KASH5: variants seen among roughly 807,000 people sequenced by gnomAD.
KASH5 encodes the protein KASH domain containing 5.
Under a neutral mutation model 84.2 loss-of-function variants are expected in KASH5, and 72 were observed. The ratio of observed to expected loss-of-function variants is 0.85; its 90% CI spans 0.71 to 1.04. The LOEUF is 1.04. Ranked by LOEUF, KASH5 falls within the 50% of genes least tolerant of loss-of-function variation. KASH5 has a pLI of 0.00. For missense variants in KASH5, 650 were observed against 701.0 expected, an observed-to-expected ratio of 0.93 and a Z score of 0.82; for synonymous variants, 260 against 279.1, an observed-to-expected ratio of 0.93 and a Z score of 0.68.
chr19:49,407,356 C>T, intron 11 of KASH5, 60 bp downstream of exon 11: 3 of 1,565,948 alleles, frequency 1.9e-6, no homozygotes, highest in Non-Finnish European at 2.6e-6. Flanking sequence ...ACTTCCTGCC[C>T]CTGGTCTAGA....
At chr19:49,415,240 C>T in intron 17 of KASH5, 3 of 577,350 alleles carry the variant, frequency 5.2e-6, no homozygotes, top group Non-Finnish European at 9.3e-6. Flanking sequence ...CAGCCACACA[C>T]ACAGGGCTGC....
chr19:49,406,685 T>C (rs1479041085), intron 9 of KASH5, among the ~76,000 whole-genome samples: 3 of 152,160 alleles, frequency 2.0e-5, no homozygotes, highest in Admixed American at 6.5e-5. Flanking sequence ...TAGCTCCATT[T>C]TTATAGATGG....
intron 1 of KASH5, chr19:49,390,413 GAA>G: frequency 6.1e-6 from 1 of 162,764 alleles, no homozygotes; most frequent in South Asian, 1.7e-4. Context: ...GGGAGCCATG[GAA>G]GGGTACTTAG....
In KASH5 at chr19:49,394,393, G is replaced by T. The variant is rs1243678042; in HGVS notation, c.44-83G>T. ...GAGTGAATTCCCTCCCCGCTACAGA[G>T]CCCAGGAGGCTGAGGACCTGGGGTC... On this transcript the variant is annotated intron_variant, in intron 2 of 19. Transcript: ENST00000447857. The T allele has an allele frequency of 2.9e-6, 3 of 1,045,302 alleles. No individual in the cohort carries two copies. The African/African-American group carries it at 4.7e-5, about 16-fold the overall frequency. 64.8% of individuals were successfully genotyped at this position (1,045,302 alleles called of 1,614,324 possible). A position where few individuals can be genotyped will look rare whatever the true frequency, so the allele number is the denominator to read the frequency against.
intron 3 of KASH5, 141 bp from the exon 4 acceptor site, chr19:49,394,965 C>T (rs1974125495): frequency 1.5e-6 from 1 of 646,054 alleles, no homozygotes; most frequent in Non-Finnish European, 2.6e-6. Flanking sequence ...GGGGAAAGGG[C>T]TTGCCCAGTG....
At chr19:49,403,097 C>T (rs1468801176) in intron 9 of KASH5, among the ~76,000 whole-genome samples, 1 of 152,172 alleles carries the variant, frequency 6.6e-6, no homozygotes, top group Non-Finnish European at 1.5e-5. Context: ...GTGGCTCACA[C>T]CTGTAATCCC....
chr19:49,407,145 G>T (rs757894941), intron 10 of KASH5, 95 bp from the exon 11 acceptor site: 1 of 1,449,922 alleles, frequency 6.9e-7, no homozygotes, highest in Non-Finnish European at 9.6e-7. Context: ...GGCTGAATAC[G>T]TGGGGGTGCG....
In KASH5 at chr19:49,412,269, G is replaced by A. The variant is rs932670981; in HGVS notation, c.1270-699G>A. 2.6e-5 allele frequency among the ~76,000 whole-genome samples: 4 copies of A among 152,168 alleles called. No homozygotes were observed. Among genetic ancestry groups the A allele is most frequent in the Non-Finnish European group, 5.9e-5 (4 of 68,026 alleles). On this transcript the variant is annotated intron_variant, in intron 15 of 19. Coordinates refer to ENST00000447857, the MANE Select transcript of KASH5 (RefSeq NM_144688.5). This position sits in a 1 kb window ranked among gnomAD's most constrained non-coding sequence, Gnocchi z 4.6. ...GTGATGAAGCCTGAGCCAGGCCAGG[G>A]CCCTAGGGATGGAGGAAAAGGGACA...
intron 2 of KASH5, chr19:49,393,199 T>C (rs1568608774): frequency 6.6e-6 from 1 of 152,248 alleles, no homozygotes; most frequent in Non-Finnish European, 1.5e-5. Context: ...ATTATTATTA[T>C]GCTAGTAGAC....
chr19:49,409,939 C>T, intron 15 of KASH5, 64 bp downstream of exon 15: 2 of 1,572,576 alleles, frequency 1.3e-6, no homozygotes, highest in Non-Finnish European at 8.6e-7. Context: ...CAGGTGCCGC[C>T]CTGGCCAGCC....
In KASH5 at chr19:49,397,651, G is replaced by T. The variant is rs1323291758; in HGVS notation, c.401G>T (p.Gly134Val). Residue 134 changes from glycine (G) to valine (V), a missense_variant and splice_region_variant, in exon 6 of 20, where the codon GGA becomes GTA. Transcript: ENST00000447857. ...GALTSRQLPS[G>V]CPEAEEPANL... ...CATTCTCTTGGCTCTCTCCCTCCAG[G>T]ATGCCCAGAAGCTGAGGAGCCAGCC... is the stretch of plus-strand genomic sequence containing the variant. The T allele has an allele frequency of 6.2e-7, 1 of 1,613,910 alleles. No homozygotes were observed.
chr19:49,391,087 A>T (rs1341839744), intron 2 of KASH5, among the ~76,000 whole-genome samples, 161 bp downstream of exon 2: 1 of 152,038 alleles, frequency 6.6e-6, no homozygotes, highest in African/African-American at 2.4e-5. Flanking sequence ...CTGGTAGATT[A>T]AGTGCCTACT....
Position 49,397,664 on chromosome 19 carries a change from T to G in KASH5, c.414T>G (p.Ala138=). 1 of 1,613,870 alleles carries G rather than the reference T, an allele frequency of 6.2e-7. No homozygotes were observed. Among genetic ancestry groups the G allele is most frequent in the Non-Finnish European group, 8.5e-7 (1 of 1,179,876 alleles). The change falls in exon 6 of 20, where the codon GCT becomes GCG. Residue 138 remains alanine, a synonymous_variant. Coordinates refer to ENST00000447857, the MANE Select transcript of KASH5 (RefSeq NM_144688.5). The part of the protein sequence containing the change: ...SRQLPSGCPE[A]EEPANLESFG... ...CTCTCCCTCCAGGATGCCCAGAAGC[T>G]GAGGAGCCAGCCAACCTGGAGAGCT...
chr19:49,410,687 C>A (rs988985523), intron 15 of KASH5, among the ~76,000 whole-genome samples: 9 of 152,102 alleles, frequency 5.9e-5, no homozygotes, highest in African/African-American at 1.9e-4. Flanking sequence ...GGGGTTTCGC[C>A]ATGTTGGCCA....
At position 49,398,049 on chromosome 19, in the gene KASH5, G is replaced by A. The variant is rs1391041386; in HGVS notation, c.535G>A (p.Glu179Lys). The A allele has an allele frequency of 2.5e-6, 4 of 1,613,746 alleles. No individual in the cohort carries two copies. The highest frequency in any genetic ancestry group is 3.4e-6 in the Non-Finnish European group (4 of 1,179,816). ...LELSNRRLVG[E>K]NAKLQRSMET... ...GCTCAGCAACCGACGTCTGGTTGGG[G>A]AGAATGCCAAATTGCAGCGGAGCAT... Residue 179 changes from glutamate (E) to lysine (K), a missense_variant, in exon 7 of 20, where the codon GAG becomes AAG. Glu to Lys is a moderately conservative substitution (Grantham distance 56). Coordinates refer to ENST00000447857, the MANE Select transcript of KASH5 (RefSeq NM_144688.5).
chr19:49,415,269 C>T, intron 17 of KASH5: 1 of 542,018 alleles, frequency 1.8e-6, no homozygotes, highest in African/African-American at 1.9e-5. Context: ...CACCGCAGGC[C>T]TCATAGACGT....
chr19:49,411,504 G>A (rs965409323), intron 15 of KASH5, among the ~76,000 whole-genome samples: 1 of 152,176 alleles, frequency 6.6e-6, no homozygotes, highest in Non-Finnish European at 1.5e-5. Context: ...GAGGCTCAGG[G>A]AGAAATCACA....
At chr19:49,415,176 TG>T (rs1320281719) in intron 17 of KASH5, 180 bp downstream of exon 17, 12 of 679,850 alleles carry the variant, frequency 1.8e-5, no homozygotes, top group Admixed American at 1.5e-4. Context: ...GATGGTGAGG[TG>T]GGGGGAGGCC....
In KASH5 at chr19:49,417,397, C is replaced by T. The variant is rs913429211; in HGVS notation, c.1576C>T (p.Pro526Ser). 4.5e-6 allele frequency: 7 copies of T among 1,554,806 alleles called. No individual in the cohort carries two copies. Among genetic ancestry groups the T allele is most frequent in the Non-Finnish European group, 6.1e-6 (7 of 1,148,814 alleles). Residue 526 changes from proline (P) to serine (S), a missense_variant, in exon 20 of 20, where the codon CCT (proline) becomes TCT (serine). Transcript: ENST00000447857. The surrounding 1 kb of genome is among the most constrained non-coding windows in gnomAD (Gnocchi z 5.2). ...CACTCGACATCCACTGATCCCAGCT[C>T]CTGTCCTGGGCCTGCTGCTGCTGCT... ...RVTRHPLIPA[P>S]VLGLLLLLLL...
Sources: allele counts gnomAD v4.1 joint callset (sites outside exome capture counted in the v4.1 genomes callset), GRCh38; gene constraint gnomAD v4.1.1; non-coding constraint Gnocchi (gnomAD v3.1); transcripts MANE v1.5; gene names NCBI Gene and HGNC (gene_info 2026-07-23, HGNC 2026-07-21).